Variants in HDLBP observed in about 807,000 individuals in gnomAD.
HDLBP encodes the protein vigilin.
A neutral mutation model predicts 137.3 loss-of-function variants in HDLBP; 30 were observed. That is an observed-to-expected ratio of 0.22 (90% CI 0.16 to 0.30). HDLBP has a LOEUF of 0.30. HDLBP is among the 10% of genes least tolerant of loss of function. HDLBP has a pLI of 1.00. For synonymous variants in HDLBP, 606 were observed against 596.0 expected (o/e 1.02, Z -0.24); for missense variants, 1,119 against 1,667.3 (o/e 0.67, Z 5.73).
At chr2:241,284,389 G>A (rs1362187538) in intron 1 of HDLBP, among the ~76,000 whole-genome samples, 1 of 152,206 alleles carries the variant, frequency 6.6e-6, no homozygotes, top group East Asian at 1.9e-4. Context: ...AATTAAAAGT[G>A]GAGCCTGAAG....
chr2:241,269,750 C>G (rs895056168), intron 1 of HDLBP, among the ~76,000 whole-genome samples: 5 of 152,178 alleles, frequency 3.3e-5, no homozygotes, highest in Admixed American at 6.5e-5. Context: ...TTAGCACATT[C>G]ACAACTCGGC....
chr2:241,274,854 A>T (rs1449880581), intron 1 of HDLBP, among the ~76,000 whole-genome samples: 1 of 152,152 alleles, frequency 6.6e-6, no homozygotes, highest in East Asian at 1.9e-4. Flanking sequence ...TCTGTCTGTG[A>T]CATTTGAGTT....
At chr2:241,252,932 C>T (rs768434059) in intron 11 of HDLBP, 25 bp downstream of exon 11, 78 of 1,555,640 alleles carry the variant, frequency 5.0e-5, no homozygotes, top group Non-Finnish European at 6.7e-5. Flanking sequence ...ACACTGGCCC[C>T]ACCGCAACAG....
intron 1 of HDLBP, among the ~76,000 whole-genome samples, chr2:241,297,371 C>T (rs1028078658): frequency 3.3e-5 from 5 of 152,144 alleles, no homozygotes; most frequent in East Asian, 3.9e-4. Context: ...TGTTGGGAAA[C>T]GGAGTTATCC....
intron 1 of HDLBP, chr2:241,271,022 T>G: frequency 1.0e-6 from 1 of 985,394 alleles, no homozygotes; most frequent in Non-Finnish European, 1.2e-6. Context: ...GGTCCACCCC[T>G]GCATGGCTGT....
intron 23 of HDLBP, among the ~76,000 whole-genome samples, chr2:241,234,702 G>A (rs747954779): frequency 1.3e-5 from 2 of 152,186 alleles, no homozygotes; most frequent in East Asian, 1.9e-4. Flanking sequence ...CCAGAGGTTG[G>A]GGGGGTTTCA....
At position 241,230,017 on chromosome 2, in the gene HDLBP, G is replaced by A. The variant is rs568277243; in HGVS notation, c.3592-56C>T. 2.0e-5 allele frequency: 31 copies of A among 1,572,256 alleles called. No individual in the cohort carries two copies. The highest frequency in any genetic ancestry group is 9.5e-5 in the South Asian group (8 of 84,654). On this transcript the variant is annotated intron_variant, in intron 26 of 27. Coordinates refer to ENST00000310931, the MANE Select transcript of HDLBP (RefSeq NM_005336.6). The surrounding 1 kb of genome is among the most constrained non-coding windows in gnomAD (Gnocchi z 5.0). ...GTCTGCCCAGCACCCCCAGCATCCC[G>A]CCCGCCTGCTCACCCCTGCACCTCG... is the stretch of plus-strand genomic sequence containing the variant.
chr2:241,291,664 C>CTTTATAA (rs2075017105), intron 1 of HDLBP, among the ~76,000 whole-genome samples: 1 of 152,198 alleles, frequency 6.6e-6, no homozygotes, highest in African/African-American at 2.4e-5. Flanking sequence ...AAAATCTTCA[C>CTTTATAA]TTTATAATTG....
intron 12 of HDLBP, among the ~76,000 whole-genome samples, chr2:241,248,552 G>A (rs752617483): frequency 9.9e-5 from 15 of 152,138 alleles, no homozygotes; most frequent in Non-Finnish European, 2.1e-4. Flanking sequence ...ACCAAGCATC[G>A]CTACACTCCG....
At chr2:241,269,926 C>G (rs1369002851) in intron 1 of HDLBP, among the ~76,000 whole-genome samples, 2 of 152,128 alleles carry the variant, frequency 1.3e-5, no homozygotes, top group Admixed American at 1.3e-4. Context: ...CTGGCATGGT[C>G]TCTCACTCAA....
At chr2:241,301,902 T>C (rs1181770738) in intron 1 of HDLBP, among the ~76,000 whole-genome samples, 2 of 152,010 alleles carry the variant, frequency 1.3e-5, no homozygotes, top group Non-Finnish European at 2.9e-5. Flanking sequence ...TCTGAGCAAG[T>C]CACTTGTTTC....
chr2:241,232,229 T>G (rs866461995), intron 24 of HDLBP, among the ~76,000 whole-genome samples: 4 of 151,802 alleles, frequency 2.6e-5, no homozygotes, highest in Middle Eastern at 3.5e-3. Flanking sequence ...CCACCCCACT[T>G]GGCTCATGGT....
rs2070774501 is a variant in HDLBP, at chr2:241,238,052, A to G, written c.2749+597T>C. 1.3e-5 allele frequency among the ~76,000 whole-genome samples: 2 copies of G among 152,352 alleles called. No homozygotes were observed. Among genetic ancestry groups the G allele is most frequent in the South Asian group, 2.1e-4 (1 of 4,828 alleles). On this transcript the variant is annotated intron_variant, in intron 20 of 27. Transcript: ENST00000310931. The surrounding 1 kb of genome is among the most constrained non-coding windows in gnomAD (Gnocchi z 4.9). ...ACACAGAGTGGAGGGCGGGCATCTG[A>G]TAACACAGAGTGGAGGGCATACCTT...
chr2:241,264,252 C>T (rs890888834), intron 4 of HDLBP, among the ~76,000 whole-genome samples, 196 bp downstream of exon 4: 15 of 151,196 alleles, frequency 9.9e-5, no homozygotes, highest in Non-Finnish European at 1.8e-4. Flanking sequence ...GTCCCAGCTA[C>T]TCGGGAGGCT....
chr2:241,271,038 C>T (rs2074000954), intron 1 of HDLBP: 1 of 985,316 alleles, frequency 1.0e-6, no homozygotes, highest in Non-Finnish European at 1.2e-6. Context: ...GCTGTAAACG[C>T]TCCACCTCAA....
intron 1 of HDLBP, 191 bp downstream of exon 1, chr2:241,315,379 G>A (rs1449651790): frequency 6.6e-6 from 1 of 152,036 alleles, no homozygotes; most frequent in East Asian, 2.0e-4. Flanking sequence ...CCCCAGCTCG[G>A]TGCTGCCGCC....
At chr2:241,232,867 T>C (rs2069939734) in intron 24 of HDLBP, among the ~76,000 whole-genome samples, 1 of 151,550 alleles carries the variant, frequency 6.6e-6, no homozygotes, top group African/African-American at 2.4e-5. Flanking sequence ...AAAAAATGTA[T>C]GTGGGGAGGG....
rs536494347 is a variant in HDLBP, at chr2:241,231,326, G to T, written c.3289-382C>A. ...TTGAACCCGGGAGGCGGAGGTTGCT[G>T]TGAGCCGAGATTGCGCCACTGCACT... On this transcript the variant is annotated intron_variant, in intron 24 of 27. Transcript: ENST00000310931. 2.2e-4 allele frequency: 36 copies of T among 160,760 alleles called. 1 individual carries two copies. The highest frequency in any genetic ancestry group is 3.1e-3 in the Middle Eastern group (1 of 322). The allele number at this position is 160,760 out of a possible 1,614,324, so 10.0% of individuals were successfully genotyped here.
chr2:241,257,657 A>G (rs796897555), intron 5 of HDLBP, among the ~76,000 whole-genome samples: 15 of 152,378 alleles, frequency 9.8e-5, no homozygotes, highest in African/African-American at 3.4e-4. Flanking sequence ...AATAGCTAAC[A>G]GAAGGTTTAA....
Sources: allele counts gnomAD v4.1 joint callset (sites outside exome capture counted in the v4.1 genomes callset), GRCh38; gene constraint gnomAD v4.1.1; non-coding constraint Gnocchi (gnomAD v3.1); transcripts MANE v1.5; gene names NCBI Gene and HGNC (gene_info 2026-07-23, HGNC 2026-07-21).